GALNT13: variants seen among roughly 807,000 people sequenced by gnomAD.
GALNT13 encodes the protein polypeptide N-acetylgalactosaminyltransferase 13.
In GALNT13, 28 loss-of-function variants were observed where a neutral mutation model predicts 64.2. The observed-to-expected ratio is 0.44, with a 90% CI of 0.32 to 0.60. The LOEUF (loss-of-function observed/expected upper bound fraction) is 0.60, where lower values mean the gene tolerates loss of function less well. Among genes scored for constraint, GALNT13 ranks in the 20% least tolerant of loss-of-function variants. The pLI is 0.05. For missense variants in GALNT13, 577 were observed against 669.8 expected (o/e 0.86, Z 1.53); for synonymous variants, 214 against 224.6 (o/e 0.95, Z 0.42).
the GALNT13 span, among the ~76,000 whole-genome samples, chr2:153,417,172 G>T: frequency 1.2e-4 from 18 of 152,268 alleles, no homozygotes; most frequent in Middle Eastern, 3.4e-3. Context: ...ATCCCTACAG[G>T]GAGAGAATGC....
chr2:153,366,720 G>GACACAC, the GALNT13 span, among the ~76,000 whole-genome samples: 1,093 of 109,120 alleles, frequency 0.01, 18 homozygotes, highest in Admixed American at 0.019. Flanking sequence ...AGCACACAGG[G>GACACAC]ACACACACAC....
the GALNT13 span, among the ~76,000 whole-genome samples, chr2:153,502,336 A>G: frequency 1.6e-4 from 25 of 152,310 alleles, no homozygotes; most frequent in East Asian, 2.9e-3. Flanking sequence ...AGAACATGCA[A>G]TGTTTGGTTT....
At chr2:154,088,389 T>A (rs534467488) in intron 3 of GALNT13, among the ~76,000 whole-genome samples, 42 of 152,310 alleles carry the variant, frequency 2.8e-4, no homozygotes, top group African/African-American at 1.0e-3. Context: ...TTTGGAAAAG[T>A]GCTATATATC....
At chr2:154,208,311 C>T (rs1477161354) in intron 4 of GALNT13, among the ~76,000 whole-genome samples, 1 of 151,862 alleles carries the variant, frequency 6.6e-6, no homozygotes, top group Admixed American at 6.6e-5. Context: ...ATGAGAAAAG[C>T]AGAACTTAGA....
chr2:154,059,706 T>C (rs1441933351), intron 3 of GALNT13, among the ~76,000 whole-genome samples: 1 of 135,082 alleles, frequency 7.4e-6, no homozygotes, highest in East Asian at 2.3e-4. Flanking sequence ...TTGTAATATA[T>C]AGTTTTAAAA....
chr2:154,274,149 C>T (rs1559061767), intron 8 of GALNT13, among the ~76,000 whole-genome samples: 2 of 151,914 alleles, frequency 1.3e-5, no homozygotes, highest in South Asian at 2.1e-4. Flanking sequence ...ATGGCATATA[C>T]GCAAGGTGTG....
chr2:153,321,126 A>G, the GALNT13 span, among the ~76,000 whole-genome samples: 1 of 152,204 alleles, frequency 6.6e-6, no homozygotes, highest in African/African-American at 2.4e-5. Flanking sequence ...GCTAAATCCC[A>G]GAATTGTTAA....
chr2:153,170,994 T>C, the GALNT13 span, among the ~76,000 whole-genome samples: 14 of 152,226 alleles, frequency 9.2e-5, no homozygotes, highest in Non-Finnish European at 1.8e-4. Flanking sequence ...CCATCAGCAT[T>C]TTAGTGTACA....
chr2:153,938,495 CA>C (rs1389796173), intron 2 of GALNT13, among the ~76,000 whole-genome samples: 11 of 152,160 alleles, frequency 7.2e-5, no homozygotes, highest in Non-Finnish European at 1.5e-5. Context: ...AGTTTCATGA[CA>C]GCCATGTTCA....
At chr2:153,704,783 A>G in the GALNT13 span, among the ~76,000 whole-genome samples, 1 of 152,196 alleles carries the variant, frequency 6.6e-6, no homozygotes, top group East Asian at 1.9e-4. Flanking sequence ...TAGAAACCCA[A>G]ATATTTTCAT....
chr2:154,366,488 G>A (rs1308677524), intron 9 of GALNT13, among the ~76,000 whole-genome samples: 1 of 152,222 alleles, frequency 6.6e-6, no homozygotes, highest in African/African-American at 2.4e-5. Context: ...CCAGAACCTC[G>A]TAACAAGATT....
chr2:154,013,037 A>G (rs1376117867), intron 3 of GALNT13, among the ~76,000 whole-genome samples: 1 of 147,552 alleles, frequency 6.8e-6, no homozygotes, highest in African/African-American at 2.5e-5. Context: ...TCCTGTGTAT[A>G]TTTTGTATTC....
the GALNT13 span, among the ~76,000 whole-genome samples, chr2:153,317,049 T>C: frequency 2.0e-5 from 3 of 152,212 alleles, no homozygotes; most frequent in Admixed American, 2.0e-4. Flanking sequence ...TATCTTTTTT[T>C]GCCTACCTAC....
chr2:153,533,723 C>CTTTTTT, the GALNT13 span, among the ~76,000 whole-genome samples: 810 of 48,562 alleles, frequency 0.017, 144 homozygotes, highest in East Asian at 0.21. Flanking sequence ...TGAGGTTTTT[C>CTTTTTT]TTTTTTTTTT....
the GALNT13 span, among the ~76,000 whole-genome samples, chr2:153,308,823 A>G: frequency 5.3e-5 from 8 of 152,184 alleles, no homozygotes; most frequent in African/African-American, 1.9e-4. Context: ...AGTAGAATGG[A>G]ATAGAAGAAA....
intron 3 of GALNT13, among the ~76,000 whole-genome samples, chr2:154,137,302 A>AACAC (rs112665813): frequency 0.09 from 13,417 of 148,926 alleles, 861 homozygotes; most frequent in African/African-American, 0.18. Flanking sequence ...ACACAGGCAA[A>AACAC]ACACACACAC....
At chr2:154,303,396 C>T (rs1402472715) in intron 9 of GALNT13, among the ~76,000 whole-genome samples, 1 of 152,124 alleles carries the variant, frequency 6.6e-6, no homozygotes. Context: ...TTCCACTCCA[C>T]TGGCGCCATC....
intron 3 of GALNT13, among the ~76,000 whole-genome samples, chr2:154,110,469 C>T (rs1702925311): frequency 6.7e-6 from 1 of 148,614 alleles, no homozygotes; most frequent in Admixed American, 6.8e-5. Context: ...AGGCCGTCTG[C>T]AAGCTGAGGA....
At chr2:154,355,387 C>T (rs1696680999) in intron 9 of GALNT13, among the ~76,000 whole-genome samples, 1 of 152,062 alleles carries the variant, frequency 6.6e-6, no homozygotes, top group Non-Finnish European at 1.5e-5. Flanking sequence ...TCAATCTAAT[C>T]CTTCCTTGAA....
Sources: allele counts gnomAD v4.1 joint callset (sites outside exome capture counted in the v4.1 genomes callset), GRCh38; gene constraint gnomAD v4.1.1; transcripts MANE v1.5; gene names NCBI Gene and HGNC (gene_info 2026-07-23, HGNC 2026-07-21).